NCKIPSD: variants seen among roughly 807,000 people sequenced by gnomAD.
NCKIPSD encodes the protein NCK interacting protein with SH3 domain, also known as NCK-interacting protein with SH3 domain.
A neutral mutation model predicts 73.4 loss-of-function variants in NCKIPSD; 48 were observed. The ratio of observed to expected loss-of-function variants is 0.65; its 90% confidence interval spans 0.52 to 0.83. NCKIPSD has a LOEUF of 0.83. NCKIPSD is among the 40% of genes least tolerant of loss of function. NCKIPSD has a pLI of 0.00. For missense variants in NCKIPSD, 884 were observed against 970.2 expected (o/e 0.91, Z 1.18); for synonymous variants, 422 against 403.6 (o/e 1.05, Z -0.54).
At chr3:48,674,978 A>AG in intron 12 of NCKIPSD, among the ~76,000 whole-genome samples, 1 of 152,262 alleles carries the variant, frequency 6.6e-6, no homozygotes, top group Admixed American at 6.5e-5. Flanking sequence ...TGGCCTGCCC[A>AG]GGGAAGTCCT....
chr3:48,676,132 C>A (rs1008783068), intron 12 of NCKIPSD, among the ~76,000 whole-genome samples: 2 of 152,206 alleles, frequency 1.3e-5, no homozygotes, highest in Admixed American at 1.3e-4. Flanking sequence ...CTGCCTGAGC[C>A]TCCCACTGCT....
chr3:48,679,998 T>C lies in NCKIPSD; in HGVS notation c.1263+61A>G, dbSNP rs989543019. The C allele has an allele frequency of 1.9e-6, 3 of 1,603,358 alleles. No homozygotes were observed. In the African/African-American group the frequency reaches 4.0e-5, roughly 21 times the overall value. ...GGGAGACTCCTAGCACTGTGAGGGA[T>C]GCTACAGGGTGGGGGCCACTGTTCC... is the stretch of plus-strand genomic sequence containing the variant. On this transcript the variant is annotated intron_variant, in intron 6 of 12. Coordinates refer to ENST00000294129, the MANE Select transcript of NCKIPSD (RefSeq NM_016453.4).
intron 12 of NCKIPSD, among the ~76,000 whole-genome samples, chr3:48,677,343 G>A (rs917748374): frequency 5.3e-5 from 8 of 151,744 alleles, no homozygotes; most frequent in Admixed American, 2.0e-4. Flanking sequence ...AGCCACGATC[G>A]TGCCACTACA....
rs1403785323 is a variant in NCKIPSD at position 48,679,670 on chromosome 3, C to T, written c.1394G>A (p.Gly465Asp). ...SLRLLLLKCF[G>D]AMCSLDAAII... ...GGCTGCATCCAGGCTGCACATGGCG[C>T]CAAAGCACTTGAGGAGCAGCAGCCG... is the stretch of plus-strand genomic sequence containing the variant. The change falls in exon 8 of 13, where the codon GGC (glycine) becomes GAC (aspartate). Residue 465 changes from glycine to aspartate, a missense_variant. Gly to Asp is a moderately conservative substitution (Grantham distance 94). Coordinates refer to ENST00000294129, the MANE Select transcript of NCKIPSD (RefSeq NM_016453.4). 1.2e-6 allele frequency: 2 copies of T among 1,614,200 alleles called. No individual in the cohort carries two copies. Among genetic ancestry groups the T allele is most frequent in the Non-Finnish European group, 1.7e-6 (2 of 1,180,042 alleles).
chr3:48,680,119 C>A lies in NCKIPSD; in HGVS notation c.1203G>T (p.Trp401Cys). 6.2e-7 allele frequency: 1 copy of A among 1,614,122 alleles called. No homozygotes were observed. The highest frequency in any genetic ancestry group is 8.5e-7 in the Non-Finnish European group (1 of 1,180,020). The change falls in exon 6 of 13, where the codon TGG (tryptophan) becomes TGT (cysteine). Residue 401 changes from tryptophan to cysteine, a missense_variant. Trp to Cys is a radical substitution (Grantham distance 215). Coordinates refer to ENST00000294129, the MANE Select transcript of NCKIPSD (RefSeq NM_016453.4). ...TGACACCCTCATCCTCATATAGTGC[C>A]CAACTGCGCTGCTGGGCGTCGTCCT... The part of the protein sequence containing the change: ...RRKDDAQQRS[W>C]ALYEDEGVIR...
At chr3:48,681,166 A>C (rs912811477) in intron 5 of NCKIPSD, 121 bp downstream of exon 5, 3 of 1,420,136 alleles carry the variant, frequency 2.1e-6, no homozygotes, top group African/African-American at 2.9e-5. Context: ...CCCAGTGCCC[A>C]GCACAGTAAG....
rs938504804 is a variant in NCKIPSD, at chr3:48,673,947, T to C, written c.*597A>G. 5.6e-6 allele frequency: 6 copies of C among 1,065,040 alleles called. No homozygotes were observed. The highest frequency in any genetic ancestry group is 5.0e-5 in the East Asian group (1 of 19,832). The allele number at this position is 1,065,040 out of a possible 1,614,324, so 66.0% of individuals were successfully genotyped here. ...TTTACAGAGAAAAGAGATTCGGTCATTGGCTTTCTCAGTGCCATCATCCTG... is the reference window on the plus strand; with the variant it reads ...TTTACAGAGAAAAGAGATTCGGTCACTGGCTTTCTCAGTGCCATCATCCTG... On this transcript the variant is annotated 3_prime_UTR_variant, in exon 13 of 13. Transcript: ENST00000294129.
In NCKIPSD at chr3:48,685,674, G is replaced by GC; in HGVS notation, c.133_134insG (p.Thr45SerfsTer24). 1 of 1,525,932 alleles carries GC rather than the reference G, an allele frequency of 6.6e-7. No individual in the cohort carries two copies. Among genetic ancestry groups the GC allele is most frequent in the Non-Finnish European group, 8.8e-7 (1 of 1,142,640 alleles). The allele number at this position is 1,525,932 out of a possible 1,614,324, so 94.5% of individuals were successfully genotyped here. A position where few individuals can be genotyped will look rare whatever the true frequency, so the allele number is the denominator to read the frequency against. On this transcript the variant is annotated frameshift_variant, in exon 1 of 13. Coordinates refer to ENST00000294129, the MANE Select transcript of NCKIPSD (RefSeq NM_016453.4). LOFTEE classifies it high-confidence loss of function. ...CAGGTAGGCTGGCGGCACGTAGCCC[G>GC]TCTCACCACTGCGCGCCCGCGCGGC...
chr3:48,679,707 G>C lies in NCKIPSD; in HGVS notation c.1357C>G (p.Arg453Gly). Residue 453 changes from arginine to glycine, a missense_variant, in exon 8 of 13, where the codon CGA becomes GGA. Arg to Gly is a moderately radical substitution (Grantham distance 125, BLOSUM62 -2). Coordinates refer to ENST00000294129, the MANE Select transcript of NCKIPSD (RefSeq NM_016453.4). ...AGGAGCAGCAGCCGCAGTGATGCTC[G>C]GTGTTCCTGGCAGGGAACCCTGCGT... Reference protein sequence around the residue: ...ALVAYYQMEHRASLRLLLLKC... With the variant: ...ALVAYYQMEHGASLRLLLLKC... The C allele has an allele frequency of 6.2e-7, 1 of 1,614,098 alleles. No individual in the cohort carries two copies. The highest frequency in any genetic ancestry group is 1.3e-5 in the African/African-American group (1 of 75,028).
Position 48,679,360 on chromosome 3 carries a change from G to A in NCKIPSD, c.1570+17C>T, listed in dbSNP as rs759013352. On this transcript the variant is annotated intron_variant, in intron 9 of 12. Coordinates refer to ENST00000294129, the MANE Select transcript of NCKIPSD (RefSeq NM_016453.4). Reference sequence around the variant, plus strand: ...GCTTAGGACCTGTGATCAGCTGGTCGGTTACTGCATTCTTACCATAGTGTG... The same window carrying A: ...GCTTAGGACCTGTGATCAGCTGGTCAGTTACTGCATTCTTACCATAGTGTG... 88 of 1,613,792 alleles carry A rather than the reference G, an allele frequency of 5.5e-5. No individual in the cohort carries two copies. Among genetic ancestry groups the A allele is most frequent in the South Asian group, 7.7e-5 (7 of 91,038 alleles).
At position 48,674,720 on chromosome 3, in the gene NCKIPSD, G is replaced by C. The variant is rs761499319; in HGVS notation, c.1993C>G (p.His665Asp). 3 of 1,614,028 alleles carry C rather than the reference G, an allele frequency of 1.9e-6. No individual in the cohort carries two copies. The highest frequency in any genetic ancestry group is 1.7e-4 in the Middle Eastern group (1 of 6,058). ...KLRMEYLSLM[H>D]AIVRTTPYLQ... ...TAGGGTGTGGTGCGGACTATAGCAT[G>C]CATCAGGGAGAGGTACTCCATGCGC... The change falls in exon 13 of 13, where the codon CAT becomes GAT. Residue 665 changes from histidine to aspartate, a missense_variant. Transcript: ENST00000294129.
chr3:48,685,688 C>T lies in NCKIPSD; in HGVS notation c.120G>A (p.Ala40=), dbSNP rs1447343575. The T allele has an allele frequency of 1.3e-6, 2 of 1,526,104 alleles. No individual in the cohort carries two copies. The highest frequency in any genetic ancestry group is 5.1e-5 in the East Asian group (2 of 39,306). 94.5% of individuals were successfully genotyped at this position (1,526,104 alleles called of 1,614,324 possible). Residue 40 remains alanine (A), a synonymous_variant, in exon 1 of 13, where the codon GCG becomes GCA. Transcript: ENST00000294129. ...GCACGTAGCCCGTCTCACCACTGCG[C>T]GCCCGCGCGGCCAGCCACCAGTGCG... is the stretch of plus-strand genomic sequence containing the variant. ...SSAHWWLAAR[A]RSGETGYVPP...
intron 1 of NCKIPSD, among the ~76,000 whole-genome samples, chr3:48,683,609 C>T (rs563162040): frequency 2.0e-5 from 3 of 152,296 alleles, no homozygotes; most frequent in East Asian, 3.9e-4. Flanking sequence ...AGCTTCCAAA[C>T]CCACCCTGGG....
Position 48,685,675 on chromosome 3 carries a change from T to A in NCKIPSD, c.133A>T (p.Thr45Ser). 1 of 1,525,964 alleles carries A rather than the reference T, an allele frequency of 6.6e-7. No individual in the cohort carries two copies. Among genetic ancestry groups the A allele is most frequent in the Non-Finnish European group, 8.8e-7 (1 of 1,142,620 alleles). The allele number at this position is 1,525,964 out of a possible 1,614,324, so 94.5% of individuals were successfully genotyped here. ...AGGTAGGCTGGCGGCACGTAGCCCG[T>A]CTCACCACTGCGCGCCCGCGCGGCC... ...WLAARARSGE[T>S]GYVPPAYLRR... is the part of the protein sequence containing the mutation. Residue 45 changes from threonine (T) to serine (S), a missense_variant, in exon 1 of 13, where the codon ACG becomes TCG. By Grantham distance (58) the Thr-to-Ser change is moderately conservative (BLOSUM62 1). Coordinates refer to ENST00000294129, the MANE Select transcript of NCKIPSD (RefSeq NM_016453.4).
Position 48,685,684 on chromosome 3 carries a change from TGCGCGCCCGCGCGGCC to T in NCKIPSD, c.108_123del (p.Ala37ValfsTer55). 1 of 1,526,074 alleles carries T rather than the reference TGCGCGCCCGCGCGGCC, an allele frequency of 6.6e-7. No homozygotes were observed. Among genetic ancestry groups the T allele is most frequent in the Non-Finnish European group, 8.8e-7 (1 of 1,142,646 alleles). 94.5% of individuals were successfully genotyped at this position (1,526,074 alleles called of 1,614,324 possible). ...GGCGGCACGTAGCCCGTCTCACCAC[TGCGCGCCCGCGCGGCC>T]AGCCACCAGTGCGCGCTGCTTCGCT... On this transcript the variant is annotated frameshift_variant, in exon 1 of 13. Coordinates refer to ENST00000294129, the MANE Select transcript of NCKIPSD (RefSeq NM_016453.4). LOFTEE classifies it high-confidence loss of function.
chr3:48,681,092 C>T (rs1575566180), intron 5 of NCKIPSD, 195 bp downstream of exon 5: 5 of 831,042 alleles, frequency 6.0e-6, no homozygotes, highest in African/African-American at 1.7e-5. Flanking sequence ...TGGCCCTTGT[C>T]CAGGCTGCGC....
chr3:48,677,432 T>C (rs1224024935), intron 12 of NCKIPSD, among the ~76,000 whole-genome samples: 2 of 151,954 alleles, frequency 1.3e-5, no homozygotes, highest in Non-Finnish European at 1.5e-5. Flanking sequence ...ACACTCTCCC[T>C]ATCCCCATGT....
At chr3:48,682,179 T>C (rs1192116118) in intron 3 of NCKIPSD, 23 bp from the exon 4 acceptor site, 1 of 1,590,088 alleles carries the variant, frequency 6.3e-7, no homozygotes. Flanking sequence ...AGTAGGATCT[T>C]GGAGGACAGA....
At chr3:48,675,366 T>C (rs1386339521) in intron 12 of NCKIPSD, among the ~76,000 whole-genome samples, 1 of 151,518 alleles carries the variant, frequency 6.6e-6, no homozygotes, top group Non-Finnish European at 1.5e-5. Flanking sequence ...ACATACCTCA[T>C]ATCCAAGCCA....
Sources: allele counts gnomAD v4.1 joint callset (sites outside exome capture counted in the v4.1 genomes callset), GRCh38; gene constraint gnomAD v4.1.1; transcripts MANE v1.5; gene names NCBI Gene and HGNC (gene_info 2026-07-23, HGNC 2026-07-21).